Variants in SPATA9 observed in about 807,000 individuals in gnomAD.
SPATA9 encodes the protein spermatogenesis-associated protein 9.
SPATA9 carries 27 observed loss-of-function variants against 25.5 expected under a neutral mutation model. The ratio of observed to expected loss-of-function variants is 1.06; its 90% CI spans 0.78 to 1.46. SPATA9 has a LOEUF of 1.46. Ranked by LOEUF, SPATA9 falls within the 40% of genes most tolerant of loss-of-function variation. The probability of loss-of-function intolerance (pLI) is 0.00; values close to 1 mark genes in which losing one functional copy is unlikely to be tolerated. For synonymous variants in SPATA9, 102 were observed against 105.7 expected, an observed-to-expected ratio of 0.97 and a Z score of 0.21; for missense variants, 282 against 297.5, an observed-to-expected ratio of 0.95 and a Z score of 0.38.
upstream of SPATA9, among the ~76,000 whole-genome samples, chr5:95,684,362 TCTC>T (rs147837685): frequency 0.028 from 4,216 of 152,290 alleles, 86 homozygotes; most frequent in Non-Finnish European, 0.045. Context: ...TGTTCTCCAT[TCTC>T]CTCCCTTCCA....
At chr5:95,715,128 A>G in the SPATA9 span, among the ~76,000 whole-genome samples, 8 of 152,078 alleles carry the variant, frequency 5.3e-5, no homozygotes, top group African/African-American at 1.9e-4. Flanking sequence ...GATCAAGACC[A>G]CCCTGGCCAA....
chr5:95,718,363 T>A, the SPATA9 span, among the ~76,000 whole-genome samples: 8 of 152,210 alleles, frequency 5.3e-5, no homozygotes, highest in Non-Finnish European at 1.2e-4. Flanking sequence ...GGGATCAGCC[T>A]GAAATCAGAT....
the SPATA9 span, among the ~76,000 whole-genome samples, chr5:95,715,108 G>A: frequency 9.4e-4 from 143 of 152,148 alleles, no homozygotes; most frequent in Non-Finnish European, 1.9e-3. Context: ...GGCAGTTCAC[G>A]AGGTCAGGAG....
downstream of SPATA9, chr5:95,653,987 T>C: frequency 8.0e-7 from 1 of 1,249,514 alleles, no homozygotes. Flanking sequence ...TATTCATTCT[T>C]AGGGTTATCT....
the SPATA9 span, among the ~76,000 whole-genome samples, chr5:95,726,554 C>T: frequency 1.8e-4 from 27 of 152,190 alleles, no homozygotes; most frequent in Non-Finnish European, 2.9e-5. Flanking sequence ...GTTGTAAATT[C>T]ATACTTAAAA....
At chr5:95,688,636 T>G (rs984129936) in intron 1 of SPATA9, among the ~76,000 whole-genome samples, 3 of 152,182 alleles carry the variant, frequency 2.0e-5, no homozygotes, top group Non-Finnish European at 2.9e-5. Flanking sequence ...AATTACTGCA[T>G]GTTCTCACTT....
intron 4 of SPATA9, among the ~76,000 whole-genome samples, chr5:95,659,915 A>G (rs920026940): frequency 2.6e-4 from 39 of 152,176 alleles, no homozygotes; most frequent in African/African-American, 9.2e-4. Flanking sequence ...CCTCCTATAT[A>G]GACTGTCTTT....
At chr5:95,662,589 T>C (rs1237043662) in intron 4 of SPATA9, among the ~76,000 whole-genome samples, 1 of 152,054 alleles carries the variant, frequency 6.6e-6, no homozygotes, top group Non-Finnish European at 1.5e-5. Flanking sequence ...TAAAAGACAT[T>C]ATTAAAAGAA....
chr5:95,708,113 G>T, the SPATA9 span, among the ~76,000 whole-genome samples: 1 of 152,214 alleles, frequency 6.6e-6, no homozygotes, highest in Non-Finnish European at 1.5e-5. Context: ...AGTTGAACAT[G>T]TTTTGATACC....
At chr5:95,662,564 T>G (rs905080088) in intron 4 of SPATA9, among the ~76,000 whole-genome samples, 1 of 152,152 alleles carries the variant, frequency 6.6e-6, no homozygotes, top group Non-Finnish European at 1.5e-5. Flanking sequence ...CATGCCTGGC[T>G]AAGAATTTCT....
At chr5:95,693,690 T>A (rs543620183) in intron 1 of SPATA9, among the ~76,000 whole-genome samples, 5 of 152,338 alleles carry the variant, frequency 3.3e-5, no homozygotes, top group African/African-American at 1.2e-4. Flanking sequence ...AATATTCCCC[T>A]GATTAAAAAA....
At chr5:95,681,799 C>T (rs1240489805) in intron 2 of SPATA9, among the ~76,000 whole-genome samples, 3 of 152,050 alleles carry the variant, frequency 2.0e-5, no homozygotes, top group Admixed American at 6.6e-5. Context: ...GGTTATATAC[C>T]TCATGTTTGA....
At chr5:95,683,135 G>A, upstream of SPATA9, 5 of 549,914 alleles carry the variant, frequency 9.1e-6, no homozygotes, top group Non-Finnish European at 1.3e-5. Flanking sequence ...AGTACACTAA[G>A]GAGTTCTATG....
chr5:95,714,898 A>C, the SPATA9 span, among the ~76,000 whole-genome samples: 1 of 152,232 alleles, frequency 6.6e-6, no homozygotes, highest in South Asian at 2.1e-4. Flanking sequence ...GAAGACTTAA[A>C]TAAGTGAAGA....
At chr5:95,682,684 G>T in intron 1 of SPATA9, 68 bp from the exon 2 acceptor site, 1 of 1,516,836 alleles carries the variant, frequency 6.6e-7, no homozygotes, top group Non-Finnish European at 9.0e-7. Flanking sequence ...AAAAGAACAT[G>T]AAACACTTGA....
intron 1 of SPATA9, among the ~76,000 whole-genome samples, chr5:95,697,718 A>C (rs1160766248): frequency 6.6e-6 from 1 of 152,204 alleles, no homozygotes; most frequent in Non-Finnish European, 1.5e-5. Context: ...TAAAGCTCAC[A>C]TTTATCATTG....
At chr5:95,692,547 C>G (rs1461851708) in intron 1 of SPATA9, among the ~76,000 whole-genome samples, 1 of 151,868 alleles carries the variant, frequency 6.6e-6, no homozygotes, top group Non-Finnish European at 1.5e-5. Flanking sequence ...TTAATCTATG[C>G]TCAGGAAGAA....
intron 2 of SPATA9, among the ~76,000 whole-genome samples, chr5:95,676,017 T>G (rs1752915429): frequency 6.6e-6 from 1 of 152,050 alleles, no homozygotes; most frequent in African/African-American, 2.4e-5. Flanking sequence ...AGACCGAGTT[T>G]CACCATGCTG....
At chr5:95,723,897 G>T in the SPATA9 span, among the ~76,000 whole-genome samples, 1 of 152,156 alleles carries the variant, frequency 6.6e-6, no homozygotes, top group Admixed American at 6.5e-5. Flanking sequence ...AGGAAAAAAT[G>T]TGAGCACACT....
Sources: allele counts gnomAD v4.1 joint callset (sites outside exome capture counted in the v4.1 genomes callset), GRCh38; gene constraint gnomAD v4.1.1; transcripts MANE v1.5; gene names NCBI Gene and HGNC (gene_info 2026-07-23, HGNC 2026-07-21).